The following ACYP2 variants were observed in gnomAD, a reference collection of about 807,000 sequenced individuals.
ACYP2 encodes acylphosphatase 2, also known as acylphosphatase-2.
ACYP2 carries 12 observed loss-of-function variants against 11.2 expected under a neutral mutation model. The ratio of observed to expected loss-of-function variants is 1.08; its 90% confidence interval spans 0.69 to 1.74. The LOEUF is 1.74. Ranked by LOEUF, ACYP2 falls within the 40% of genes most tolerant of loss-of-function variation. The pLI is 0.00. For synonymous variants in ACYP2, 43 were observed against 32.2 expected (o/e 1.33, Z -1.13); for missense variants, 134 against 101.9 (o/e 1.31, Z -1.35).
chr2:53,987,328 G>C (rs1317918001), intron 2 of ACYP2, among the ~76,000 whole-genome samples: 1 of 150,996 alleles, frequency 6.6e-6, no homozygotes, highest in Non-Finnish European at 1.5e-5. Flanking sequence ...TTATAGATGT[G>C]GATTATGCTT....
chr2:54,095,167 G>C (rs1005118743), intron 4 of ACYP2, among the ~76,000 whole-genome samples: 17 of 152,044 alleles, frequency 1.1e-4, no homozygotes, highest in African/African-American at 4.1e-4. Context: ...ACCCTGAGTG[G>C]ACACAGCACA....
chr2:54,212,656 C>G (rs1037982874), intron 6 of ACYP2, among the ~76,000 whole-genome samples: 1 of 152,226 alleles, frequency 6.6e-6, no homozygotes, highest in African/African-American at 2.4e-5. Context: ...TACAGAGGAG[C>G]TAATATGCAT....
At chr2:54,058,341 C>T (rs949506533) in intron 4 of ACYP2, among the ~76,000 whole-genome samples, 1 of 151,356 alleles carries the variant, frequency 6.6e-6, no homozygotes, top group African/African-American at 2.4e-5. Context: ...TTCTCCCTCC[C>T]CTCAGCTGTG....
intron 4 of ACYP2, among the ~76,000 whole-genome samples, chr2:54,126,103 TA>T (rs1680480330): frequency 1.3e-5 from 2 of 151,958 alleles, no homozygotes; most frequent in Admixed American, 6.6e-5. Context: ...TAAATAAAAA[TA>T]AAAAGGAGAT....
intron 6 of ACYP2, among the ~76,000 whole-genome samples, chr2:54,237,804 T>A (rs1686555494): frequency 6.6e-6 from 1 of 152,204 alleles, no homozygotes; most frequent in Non-Finnish European, 1.5e-5. Context: ...TTGCAAAGTC[T>A]CAGTCATTAT....
chr2:53,973,364 G>T (rs938990377), intron 1 of ACYP2, among the ~76,000 whole-genome samples: 2 of 152,136 alleles, frequency 1.3e-5, no homozygotes, highest in Non-Finnish European at 2.9e-5. Flanking sequence ...CCCAAGCTAA[G>T]CCATCATATC....
rs541540053 is a variant in ACYP2 at position 54,237,950 on chromosome 2, G to A, written c.405-66738G>A. Among the ~76,000 whole-genome samples, 36 of 152,034 alleles carry A rather than the reference G, an allele frequency of 2.4e-4. No homozygotes were observed. The South Asian group carries it at 7.1e-3, about 30-fold the overall frequency. ...ATCCCCTGCCGTACTCTCGTTACTC[G>A]CTTGTCTCTATCTTGCTGTTTTTCT... is the stretch of plus-strand genomic sequence containing the variant. On this transcript the variant is annotated intron_variant, in intron 6 of 6. Transcript: ENST00000607452.
chr2:54,033,456 TC>T (rs748797214), intron 2 of ACYP2, among the ~76,000 whole-genome samples: 33 of 152,056 alleles, frequency 2.2e-4, no homozygotes, highest in Non-Finnish European at 4.6e-4. Flanking sequence ...CAAGCAAACT[TC>T]CTGTCTCAGC....
rs1316808843 is a variant in ACYP2 at position 54,115,596 on chromosome 2, G to A, written c.278-19857G>A. On this transcript the variant is annotated intron_variant, in intron 4 of 6. Coordinates refer to ENST00000607452, the MANE Select transcript of ACYP2 (RefSeq NM_001320586.2). ...GCGTCCGGGACCGGTGACAGGCGCG[G>A]GGTGCGCCAAGCAGTCCCATGTGTC... The A allele has an allele frequency of 5.2e-6, 8 of 1,546,150 alleles. No homozygotes were observed. The Admixed American group carries it at 5.9e-5, about 11-fold the overall frequency.
intron 2 of ACYP2, among the ~76,000 whole-genome samples, chr2:54,027,837 CTTTTTTTTTTT>C (rs34122179): frequency 3.1e-5 from 3 of 97,876 alleles, no homozygotes; most frequent in African/African-American, 1.2e-4. Context: ...TTCTTTCTTT[CTTTTTTTTTTT>C]TTTTTTTTTG....
chr2:53,972,461 G>C (rs1671202570), intron 1 of ACYP2, among the ~76,000 whole-genome samples: 1 of 151,796 alleles, frequency 6.6e-6, no homozygotes, highest in South Asian at 2.1e-4. Context: ...AAAAAAATTA[G>C]CCGGGCATGG....
chr2:54,290,835 C>CTGTG (rs1432430027), intron 6 of ACYP2, among the ~76,000 whole-genome samples: 1 of 152,204 alleles, frequency 6.6e-6, no homozygotes, highest in Non-Finnish European at 1.5e-5. Context: ...ACATCCTGGA[C>CTGTG]TGTGCATCCT....
At chr2:54,240,657 A>G (rs1011724797) in intron 6 of ACYP2, among the ~76,000 whole-genome samples, 1 of 152,178 alleles carries the variant, frequency 6.6e-6, no homozygotes, top group Admixed American at 6.5e-5. Flanking sequence ...CCTAAGACTC[A>G]GGCTCGTATT....
chr2:53,973,725 T>A lies in ACYP2; in HGVS notation c.-24T>A. 1 of 308,122 alleles carries A rather than the reference T, an allele frequency of 3.2e-6. No homozygotes were observed. The highest frequency in any genetic ancestry group is 5.9e-6 in the Non-Finnish European group (1 of 168,878). 19.1% of individuals were successfully genotyped at this position (308,122 alleles called of 1,614,324 possible). On this transcript the variant is annotated 5_prime_UTR_variant, in exon 2 of 7. Coordinates refer to ENST00000607452, the MANE Select transcript of ACYP2 (RefSeq NM_001320586.2). ...ACTCCTTTTTCAGACTCAGCCTGCC[T>A]GCACCCAGGTGAAATAAACAGCCAT...
chr2:54,072,254 T>TA (rs1677083132), intron 4 of ACYP2, among the ~76,000 whole-genome samples: 1 of 152,174 alleles, frequency 6.6e-6, no homozygotes, highest in South Asian at 2.1e-4. Flanking sequence ...TTTTCCAAAT[T>TA]AATCTACAGA....
At chr2:54,123,529 A>G (rs1254778597) in intron 4 of ACYP2, 1 of 397,474 alleles carries the variant, frequency 2.5e-6, no homozygotes, top group Non-Finnish European at 4.4e-6. Context: ...TAGTATATTC[A>G]CAATGTTTTG....
At chr2:54,263,244 G>T (rs1378375937) in intron 6 of ACYP2, among the ~76,000 whole-genome samples, 1 of 152,146 alleles carries the variant, frequency 6.6e-6, no homozygotes, top group Non-Finnish European at 1.5e-5. Context: ...GAGGAGGAGA[G>T]AGAGGGAGGT....
intron 2 of ACYP2, among the ~76,000 whole-genome samples, chr2:54,017,856 A>G (rs1048737676): frequency 2.0e-5 from 3 of 151,718 alleles, no homozygotes; most frequent in African/African-American, 7.3e-5. Flanking sequence ...GTGTGTTACT[A>G]TTTGTTGTAT....
chr2:54,255,729 C>A, intron 6 of ACYP2: 1 of 1,614,006 alleles, frequency 6.2e-7, no homozygotes. Context: ...CCTCTGCAAT[C>A]ACTTCAGACT....
Sources: gnomAD v4.1 joint callset for allele counts (sites outside exome capture counted in the v4.1 genomes callset) on GRCh38, gnomAD v4.1.1 for gene constraint, MANE v1.5 for transcripts, NCBI Gene and HGNC (gene_info 2026-07-23, HGNC 2026-07-21) for gene names.